NUFIP1: variants seen among roughly 807,000 people sequenced by gnomAD.
The protein encoded by NUFIP1 is nuclear FMR1 interacting protein 1.
Under a neutral mutation model 56.2 loss-of-function variants are expected in NUFIP1, and 38 were observed. That is an observed-to-expected ratio of 0.68 (90% CI 0.52 to 0.89). NUFIP1 has a LOEUF of 0.89. Among genes scored for constraint, NUFIP1 ranks in the 40% least tolerant of loss-of-function variants. The probability of loss-of-function intolerance (pLI) is 0.00; values close to 1 mark genes in which losing one functional copy is unlikely to be tolerated. For synonymous variants in NUFIP1, 215 were observed against 212.4 expected (o/e 1.01, Z -0.10); for missense variants, 567 against 605.8 (o/e 0.94, Z 0.67).
chr13:44,981,843 T>C (rs1872200572), intron 2 of NUFIP1, among the ~76,000 whole-genome samples: 1 of 151,888 alleles, frequency 6.6e-6, no homozygotes, highest in African/African-American at 2.4e-5. Context: ...AAGTATCAAA[T>C]ATATATCTAT....
chr13:44,941,681 T>C (rs1244307231), intron 9 of NUFIP1, among the ~76,000 whole-genome samples: 1 of 143,194 alleles, frequency 7.0e-6, no homozygotes, highest in East Asian at 2.2e-4. Flanking sequence ...GCCCGGCTAA[T>C]TTTTTGTATT....
chr13:44,984,037 CTAATT>C lies in NUFIP1; in HGVS notation c.413-1888_413-1884del, dbSNP rs138847974. Reference sequence around the variant, plus strand: ...CTTCCTAGAGACCTTCCATGAGATTCTAATTTATTTTCTTACCCTACCCTTCCCCA... The same window carrying C: ...CTTCCTAGAGACCTTCCATGAGATTCTATTTTCTTACCCTACCCTTCCCCA... On this transcript the variant is annotated intron_variant, in intron 1 of 9. Transcript: ENST00000379161. Among the ~76,000 whole-genome samples the C allele has an allele frequency of 3.2e-3, 494 of 152,248 alleles. 1 individual carries two copies. Among genetic ancestry groups the C allele is most frequent in the Non-Finnish European group, 4.7e-3 (323 of 68,018 alleles).
intron 7 of NUFIP1, among the ~76,000 whole-genome samples, chr13:44,955,703 A>C (rs896670513): frequency 1.3e-5 from 2 of 152,192 alleles, no homozygotes; most frequent in African/African-American, 4.8e-5. Context: ...AGTGGAAAAC[A>C]TATATTGGAG....
At chr13:44,970,963 AC>A in intron 5 of NUFIP1, among the ~76,000 whole-genome samples, 1 of 152,340 alleles carries the variant, frequency 6.6e-6, no homozygotes, top group African/African-American at 2.4e-5. Flanking sequence ...GGTGTGAGCC[AC>A]CACGCCCGGC....
At chr13:44,982,717 T>A (rs1364165449) in intron 1 of NUFIP1, among the ~76,000 whole-genome samples, 1 of 152,002 alleles carries the variant, frequency 6.6e-6, no homozygotes, top group Non-Finnish European at 1.5e-5. Flanking sequence ...CTCAAAAATT[T>A]GCATATGGAC....
chr13:44,972,348 G>GC (rs1871833134), intron 5 of NUFIP1, among the ~76,000 whole-genome samples: 1 of 152,178 alleles, frequency 6.6e-6, no homozygotes, highest in Non-Finnish European at 1.5e-5. Context: ...ACTGCTACAT[G>GC]CAACAACATG....
At chr13:44,945,850 CAG>C (rs997718871) in intron 8 of NUFIP1, among the ~76,000 whole-genome samples, 4 of 152,108 alleles carry the variant, frequency 2.6e-5, no homozygotes, top group Non-Finnish European at 5.9e-5. Flanking sequence ...AGTTGGGAGA[CAG>C]GGTTCAATTG....
Position 44,980,919 on chromosome 13 carries a change from T to A in NUFIP1, c.496-99A>T, listed in dbSNP as rs1234890122. 5 of 672,574 alleles carry A rather than the reference T, an allele frequency of 7.4e-6. No individual in the cohort carries two copies. In the African/African-American group the frequency reaches 9.2e-5, roughly 12 times the overall value. The allele number at this position is 672,574 out of a possible 1,614,324, so 41.7% of individuals were successfully genotyped here. On this transcript the variant is annotated intron_variant, in intron 2 of 9. Transcript: ENST00000379161. The stretch of plus-strand genomic sequence containing the variant: ...TTCTAGTAATACACACTTTGATGTT[T>A]CCAATAACCCTTTCGTGTGGGAGAA...
rs1231425454 is a variant in NUFIP1 at position 44,949,224 on chromosome 13, C to T, written c.1138+498G>A. The stretch of plus-strand genomic sequence containing the variant: ...ATTTTTTTTTTTTTTTTTTTTGAGA[C>T]GGAGTCTCGCTCTGTCGCCCAGGCT... On this transcript the variant is annotated intron_variant, in intron 8 of 9. Coordinates refer to ENST00000379161, the MANE Select transcript of NUFIP1 (RefSeq NM_012345.3). 9.8e-5 allele frequency among the ~76,000 whole-genome samples: 9 copies of T among 92,098 alleles called. No individual in the cohort carries two copies. In the East Asian group the frequency reaches 2.1e-3, roughly 22 times the overall value. The allele number at this position is 92,098 out of a possible 152,430, so 60.4% of individuals were successfully genotyped here. A position where few individuals can be genotyped will look rare whatever the true frequency, so the allele number is the denominator to read the frequency against.
At chr13:44,972,627 C>T (rs2137916091) in intron 5 of NUFIP1, among the ~76,000 whole-genome samples, 1 of 152,270 alleles carries the variant, frequency 6.6e-6, no homozygotes, top group East Asian at 1.9e-4. Flanking sequence ...GTGAATTTCA[C>T]TATATGTACA....
rs115325365 is a variant in NUFIP1, at chr13:44,943,481, T to C, written c.1332A>G (p.Leu444=). Residue 444 remains leucine (L), a synonymous_variant, in exon 9 of 10, where the codon TTA becomes TTG. Transcript: ENST00000379161. ...ATGGATGGTGTGTTCTTGGTTCGAA[T>C]AACGTTTGATAGTTGTGATAATCTT... ...RKKDYHNYQT[L]FEPRTHHPYL... The C allele has an allele frequency of 9.3e-6, 15 of 1,614,146 alleles. No homozygotes were observed. The African/African-American group carries it at 1.5e-4, about 16-fold the overall frequency.
chr13:44,944,038 A>G (rs1026412923), intron 8 of NUFIP1, among the ~76,000 whole-genome samples: 1 of 152,200 alleles, frequency 6.6e-6, no homozygotes, highest in Non-Finnish European at 1.5e-5. Context: ...TTTTAAAACT[A>G]AAGCAAAAAT....
At chr13:44,978,499 T>C (rs1015027604) in intron 5 of NUFIP1, among the ~76,000 whole-genome samples, 1 of 152,194 alleles carries the variant, frequency 6.6e-6, no homozygotes, top group Non-Finnish European at 1.5e-5. Context: ...TAGTATTTTC[T>C]GAGAAGGCAG....
chr13:44,974,753 G>GGTT (rs1264886014), intron 5 of NUFIP1, among the ~76,000 whole-genome samples: 1 of 152,164 alleles, frequency 6.6e-6, no homozygotes, highest in Non-Finnish European at 1.5e-5. Flanking sequence ...GGTATCACTT[G>GGTT]GTTGCTCAGG....
At chr13:44,949,063 CTA>C (rs1030893719) in intron 8 of NUFIP1, among the ~76,000 whole-genome samples, 10 of 152,134 alleles carry the variant, frequency 6.6e-5, no homozygotes, top group Admixed American at 6.5e-4. Flanking sequence ...ACCAAAGATG[CTA>C]TAAACACGTT....
At chr13:44,948,618 C>G (rs190483114) in intron 8 of NUFIP1, among the ~76,000 whole-genome samples, 111 of 152,252 alleles carry the variant, frequency 7.3e-4, no homozygotes, top group African/African-American at 2.6e-3. Flanking sequence ...GTGTCCACAA[C>G]AGTGGAACAT....
intron 7 of NUFIP1, among the ~76,000 whole-genome samples, chr13:44,951,540 T>C (rs1255519370): frequency 1.3e-5 from 2 of 152,214 alleles, no homozygotes; most frequent in Non-Finnish European, 2.9e-5. Context: ...CCTATCAAAG[T>C]GTCTTTATGG....
At chr13:44,944,207 A>G (rs1234967587) in intron 8 of NUFIP1, among the ~76,000 whole-genome samples, 2 of 152,190 alleles carry the variant, frequency 1.3e-5, no homozygotes, top group Admixed American at 6.5e-5. Flanking sequence ...GTTAAGCTGC[A>G]TACTATAAAC....
chr13:44,982,269 C>A, intron 1 of NUFIP1, 115 bp from the exon 2 acceptor site: 3 of 429,790 alleles, frequency 7.0e-6, no homozygotes, highest in Non-Finnish European at 1.2e-5. Flanking sequence ...AGTAAACTAC[C>A]CTTCTAGGAA....
Sources: allele counts gnomAD v4.1 joint callset (sites outside exome capture counted in the v4.1 genomes callset), GRCh38; gene constraint gnomAD v4.1.1; transcripts MANE v1.5; gene names NCBI Gene and HGNC (gene_info 2026-07-23, HGNC 2026-07-21).